Variants in SLC12A2 observed in about 807,000 individuals in gnomAD.
The protein encoded by SLC12A2 is solute carrier family 12 member 2, also known as Na-K-2Cl cotransporter 1.
Under a neutral mutation model 136.3 loss-of-function variants are expected in SLC12A2, and 67 were observed. That is an observed-to-expected ratio of 0.49 (90% CI 0.40 to 0.60). The LOEUF is 0.60. SLC12A2 is among the 20% of genes least tolerant of loss of function. The probability of loss-of-function intolerance (pLI) is 0.00; values close to 1 mark genes in which losing one functional copy is unlikely to be tolerated. For synonymous variants in SLC12A2, 619 were observed against 562.9 expected, an observed-to-expected ratio of 1.10 and a Z score of -1.41; for missense variants, 1,322 against 1,534.7, an observed-to-expected ratio of 0.86 and a Z score of 2.32.
chr5:128,178,925 T>A (rs1443145011), intron 22 of SLC12A2, among the ~76,000 whole-genome samples: 2 of 152,212 alleles, frequency 1.3e-5, no homozygotes, highest in African/African-American at 2.4e-5. Context: ...AACTTTTTTT[T>A]AATATGAACC....
chr5:128,173,447 A>T (rs1383950557), intron 19 of SLC12A2, among the ~76,000 whole-genome samples: 2 of 152,250 alleles, frequency 1.3e-5, no homozygotes, highest in Non-Finnish European at 2.9e-5. Flanking sequence ...ACTTTTAAAA[A>T]GTATTTTCAT....
intron 7 of SLC12A2, among the ~76,000 whole-genome samples, chr5:128,136,054 TAAGAA>T: frequency 1.3e-5 from 2 of 152,146 alleles, no homozygotes; most frequent in Non-Finnish European, 2.9e-5. Flanking sequence ...TCAGTGCTGC[TAAGAA>T]AAGGAGATTT....
intron 4 of SLC12A2, among the ~76,000 whole-genome samples, chr5:128,126,698 T>A (rs1321745677): frequency 6.6e-6 from 1 of 151,992 alleles, no homozygotes; most frequent in Non-Finnish European, 1.5e-5. Flanking sequence ...ACCTAAGACC[T>A]ATGGAACAAT....
At chr5:128,126,941 CATATATAT>C (rs1243756791) in intron 4 of SLC12A2, among the ~76,000 whole-genome samples, 2 of 41,006 alleles carry the variant, frequency 4.9e-5, no homozygotes, top group Non-Finnish European at 3.6e-5. Flanking sequence ...TCACAACCTA[CATATATAT>C]ATATATATAT....
intron 11 of SLC12A2, among the ~76,000 whole-genome samples, chr5:128,148,230 G>A (rs1318644837): frequency 6.6e-6 from 1 of 151,654 alleles, no homozygotes; most frequent in East Asian, 1.9e-4. Flanking sequence ...AATACTGATG[G>A]GAAGTACTTT....
chr5:128,142,002 A>G (rs774906579), intron 10 of SLC12A2, 21 bp downstream of exon 10: 3 of 1,607,076 alleles, frequency 1.9e-6, no homozygotes, highest in East Asian at 2.2e-5. Flanking sequence ...ACTTTGTAAT[A>G]TACAGACATT....
rs771221035 is a variant in SLC12A2, at chr5:128,112,879, G to T, written c.822G>T (p.Thr274=). ...CTCCAACCAGAGATGCTGTGGTCAC[G>T]TATACTGCAGAAAGTAAAGGAGTCG... The part of the protein sequence containing the change: ...ESTPTRDAVV[T]YTAESKGVVK... Residue 274 remains threonine (T), a synonymous_variant, in exon 2 of 27, where the codon ACG becomes ACT. Transcript: ENST00000262461. The T allele has an allele frequency of 6.2e-7, 1 of 1,612,566 alleles. No homozygotes were observed. The highest frequency in any genetic ancestry group is 2.2e-5 in the East Asian group (1 of 44,818).
chr5:128,113,386 G>A (rs1273418080), intron 2 of SLC12A2, among the ~76,000 whole-genome samples: 1 of 152,146 alleles, frequency 6.6e-6, no homozygotes, highest in Non-Finnish European at 1.5e-5. Flanking sequence ...AGGAATACAG[G>A]AGAAATACTT....
At chr5:128,146,294 T>C (rs1421795172) in intron 10 of SLC12A2, among the ~76,000 whole-genome samples, 1 of 151,860 alleles carries the variant, frequency 6.6e-6, no homozygotes, top group Non-Finnish European at 1.5e-5. Flanking sequence ...TTCATATTTC[T>C]CCACTTGTCC....
At chr5:128,145,826 A>G (rs1359458558) in intron 10 of SLC12A2, among the ~76,000 whole-genome samples, 1 of 151,956 alleles carries the variant, frequency 6.6e-6, no homozygotes, top group Non-Finnish European at 1.5e-5. Context: ...ACAGCTTAAA[A>G]CCTGATTTCC....
At chr5:128,089,301 T>C (rs1474346473) in intron 1 of SLC12A2, among the ~76,000 whole-genome samples, 1 of 152,136 alleles carries the variant, frequency 6.6e-6, no homozygotes, top group Non-Finnish European at 1.5e-5. Context: ...GGCAGGAGGA[T>C]TGCTTGAGCC....
chr5:128,112,998 G>A (rs1581073067), intron 2 of SLC12A2, 65 bp downstream of exon 2: 5 of 1,348,632 alleles, frequency 3.7e-6, no homozygotes, highest in East Asian at 2.5e-5. Flanking sequence ...TCTTCCTAAC[G>A]TTCTCATCAG....
intron 17 of SLC12A2, among the ~76,000 whole-genome samples, chr5:128,164,887 T>C (rs977407911): frequency 2.7e-5 from 4 of 149,000 alleles, no homozygotes; most frequent in African/African-American, 9.9e-5. Context: ...TCACTCTGTC[T>C]CCCAGGTTGG....
At position 128,109,803 on chromosome 5, in the gene SLC12A2, A is replaced by G. The variant is rs1761078953; in HGVS notation, c.757-3011A>G. 2.5e-6 allele frequency: 2 copies of G among 807,952 alleles called. 1 individual carries two copies. Among genetic ancestry groups the G allele is most frequent in the South Asian group, 2.7e-5 (2 of 75,124 alleles). 50.0% of individuals were successfully genotyped at this position (807,952 alleles called of 1,614,324 possible). A position where few individuals can be genotyped will look rare whatever the true frequency, so the allele number is the denominator to read the frequency against. On this transcript the variant is annotated intron_variant, in intron 1 of 26. Transcript: ENST00000262461. ...AGATACAGAATGTGTGCAGGCTACA[A>G]AAATCTGAAGATGGGAGTTAAATTC...
chr5:128,109,735 TG>T, intron 1 of SLC12A2: 2 of 1,136,564 alleles, frequency 1.8e-6, no homozygotes, highest in Non-Finnish European at 2.7e-6. Flanking sequence ...TCACTAGAGT[TG>T]GAGTCCAGGT....
At chr5:128,145,778 T>G (rs1762513602) in intron 10 of SLC12A2, among the ~76,000 whole-genome samples, 1 of 152,014 alleles carries the variant, frequency 6.6e-6, no homozygotes, top group African/African-American at 2.4e-5. Context: ...TCCATTTTGT[T>G]TAAACAATTA....
At chr5:128,103,298 C>T (rs181703637) in intron 1 of SLC12A2, among the ~76,000 whole-genome samples, 4 of 152,292 alleles carry the variant, frequency 2.6e-5, no homozygotes, top group Middle Eastern at 3.4e-3. Context: ...ATCCCCATTT[C>T]GCATATGTCG....
chr5:128,122,457 T>C (rs1001573635), intron 4 of SLC12A2, among the ~76,000 whole-genome samples: 2 of 152,230 alleles, frequency 1.3e-5, no homozygotes, highest in African/African-American at 4.8e-5. Flanking sequence ...CATTATCTTA[T>C]GTAATGCAAC....
intron 1 of SLC12A2, among the ~76,000 whole-genome samples, chr5:128,101,909 T>TG: frequency 6.6e-6 from 1 of 152,208 alleles, no homozygotes; most frequent in African/African-American, 2.4e-5. Flanking sequence ...TGTGGAATGG[T>TG]GATTTCATAT....
Sources: allele counts gnomAD v4.1 joint callset (sites outside exome capture counted in the v4.1 genomes callset), GRCh38; gene constraint gnomAD v4.1.1; transcripts MANE v1.5; gene names NCBI Gene and HGNC (gene_info 2026-07-23, HGNC 2026-07-21).